SP4: variants seen among roughly 807,000 people sequenced by gnomAD.
SP4 encodes the protein transcription factor Sp4.
Under a neutral mutation model 72.8 loss-of-function variants are expected in SP4, and 19 were observed. That is an observed-to-expected ratio of 0.26 (90% CI 0.18 to 0.38). The LOEUF (loss-of-function observed/expected upper bound fraction) is 0.38, where lower values mean the gene tolerates loss of function less well. Among genes scored for constraint, SP4 ranks in the 10% least tolerant of loss-of-function variants. The pLI is 1.00. For missense variants in SP4, 1,008 were observed against 926.3 expected (o/e 1.09, Z -1.14); for synonymous variants, 395 against 333.1 (o/e 1.19, Z -2.02).
intron 5 of SP4, among the ~76,000 whole-genome samples, chr7:21,487,800 C>G (rs1784862286): frequency 6.9e-6 from 1 of 144,940 alleles, no homozygotes; most frequent in South Asian, 2.2e-4. Flanking sequence ...TGGTGGTGGT[C>G]ATGGTGGTGA....
intron 3 of SP4, among the ~76,000 whole-genome samples, chr7:21,466,852 G>A (rs1376144549): frequency 6.6e-6 from 1 of 151,428 alleles, no homozygotes; most frequent in African/African-American, 2.4e-5. Context: ...TGTCAAAACT[G>A]TCACAGCCTA....
Position 21,462,856 on chromosome 7 carries a change from G to A in SP4, c.1679-14223G>A, listed in dbSNP as rs190945238. On this transcript the variant is annotated intron_variant, in intron 3 of 5. Transcript: ENST00000222584. ...GATGGTATTGAATGTTGACTTGAGAGTATTGAGAAAAGTTCAGCAGGTTTT... is the reference window on the plus strand; with the variant it reads ...GATGGTATTGAATGTTGACTTGAGAATATTGAGAAAAGTTCAGCAGGTTTT... Among the ~76,000 whole-genome samples the A allele has an allele frequency of 3.5e-3, 533 of 152,298 alleles. 3 individuals are homozygous for A. The highest frequency in any genetic ancestry group is 5.8e-3 in the Non-Finnish European group (394 of 68,030).
At chr7:21,431,044 ATG>A (rs1782836659) in intron 3 of SP4, among the ~76,000 whole-genome samples, 1 of 152,026 alleles carries the variant, frequency 6.6e-6, no homozygotes, top group African/African-American at 2.4e-5. Flanking sequence ...TTTTATAATA[ATG>A]TGTTAAATTT....
At chr7:21,493,410 C>T (rs551872589) in intron 5 of SP4, among the ~76,000 whole-genome samples, 37 of 152,162 alleles carry the variant, frequency 2.4e-4, no homozygotes, top group South Asian at 8.3e-4. Flanking sequence ...AGAGGAAATT[C>T]GTAGCATTAA....
At chr7:21,477,008 GA>G (rs1784518881) in intron 3 of SP4, 70 bp from the exon 4 acceptor site, 2 of 1,103,034 alleles carry the variant, frequency 1.8e-6, no homozygotes, top group Admixed American at 5.2e-5. Flanking sequence ...TATGCACATA[GA>G]TTTTTTTTTT....
chr7:21,474,373 A>G (rs1385471243), intron 3 of SP4, among the ~76,000 whole-genome samples: 1 of 152,260 alleles, frequency 6.6e-6, no homozygotes, highest in Non-Finnish European at 1.5e-5. Context: ...AAATACCTGC[A>G]GCTCCATAGG....
At chr7:21,434,169 T>A (rs909529226) in intron 3 of SP4, among the ~76,000 whole-genome samples, 2 of 152,202 alleles carry the variant, frequency 1.3e-5, no homozygotes, top group African/African-American at 2.4e-5. Context: ...GGGAAAATTT[T>A]GCTCGAAATT....
chr7:21,461,298 G>A (rs943112115), intron 3 of SP4, among the ~76,000 whole-genome samples: 4 of 152,076 alleles, frequency 2.6e-5, no homozygotes, highest in African/African-American at 7.2e-5. Flanking sequence ...CGGGGGTTGG[G>A]GGAGACTCAG....
intron 3 of SP4, among the ~76,000 whole-genome samples, chr7:21,473,263 A>G (rs996370787): frequency 3.3e-5 from 5 of 152,178 alleles, no homozygotes; most frequent in African/African-American, 1.2e-4. Flanking sequence ...CACTGGATGT[A>G]ATGAGTAAAG....
chr7:21,510,105 C>T (rs1401483829), intron 5 of SP4, among the ~76,000 whole-genome samples: 3 of 152,136 alleles, frequency 2.0e-5, no homozygotes, highest in Admixed American at 2.0e-4. Flanking sequence ...CCCACTGGGT[C>T]CCTCCCACAA....
intron 5 of SP4, among the ~76,000 whole-genome samples, chr7:21,492,974 T>A (rs1785019012): frequency 6.6e-6 from 1 of 152,082 alleles, no homozygotes; most frequent in Non-Finnish European, 1.5e-5. Flanking sequence ...CCAAGACAGG[T>A]GGATCACCTG....
intron 3 of SP4, among the ~76,000 whole-genome samples, chr7:21,442,170 C>G (rs1783280427): frequency 6.6e-6 from 1 of 151,558 alleles, no homozygotes; most frequent in East Asian, 1.9e-4. Context: ...TCCCAAGTAG[C>G]TGAGATTACA....
At chr7:21,461,124 G>A (rs1783962365) in intron 3 of SP4, among the ~76,000 whole-genome samples, 1 of 152,244 alleles carries the variant, frequency 6.6e-6, no homozygotes, top group Non-Finnish European at 1.5e-5. Flanking sequence ...CAGGAGCCCT[G>A]CTGGCTTCAC....
At chr7:21,486,656 T>C (rs557784103) in intron 5 of SP4, among the ~76,000 whole-genome samples, 1 of 152,274 alleles carries the variant, frequency 6.6e-6, no homozygotes, top group South Asian at 2.1e-4. Context: ...TAAGAGGAAG[T>C]ATGTAATGTG....
At chr7:21,458,002 A>C (rs1021350513) in intron 3 of SP4, among the ~76,000 whole-genome samples, 4 of 152,200 alleles carry the variant, frequency 2.6e-5, no homozygotes, top group African/African-American at 9.7e-5. Context: ...ATTGTGATGA[A>C]ATTAAAAGGC....
chr7:21,472,997 G>A (rs1784395767), intron 3 of SP4, among the ~76,000 whole-genome samples: 1 of 152,322 alleles, frequency 6.6e-6, no homozygotes, highest in African/African-American at 2.4e-5. Context: ...GTAAGTCCTT[G>A]TGGTAGAGTG....
chr7:21,441,293 C>G (rs540560165), intron 3 of SP4, among the ~76,000 whole-genome samples: 5 of 152,200 alleles, frequency 3.3e-5, no homozygotes, highest in African/African-American at 7.2e-5. Flanking sequence ...TGATGGGGAC[C>G]AAAGATTGGA....
At chr7:21,482,609 A>G (rs1029869264) in intron 5 of SP4, 44 of 976,610 alleles carry the variant, frequency 4.5e-5, no homozygotes, top group South Asian at 4.7e-5. Flanking sequence ...TTTCAAATAC[A>G]GCAAAGCAGT....
rs867106474 is a variant in SP4 at position 21,481,800 on chromosome 7, T to C, written c.1908-124T>C. The C allele has an allele frequency of 5.2e-5, 36 of 696,242 alleles. No homozygotes were observed. The Middle Eastern group carries it at 8.6e-4, about 17-fold the overall frequency. The allele number at this position is 696,242 out of a possible 1,614,324, so 43.1% of individuals were successfully genotyped here. ...AATTTTCTGATTTGAACTACAGTTA[T>C]GGCATCATGATCAAACCTATTCAGA... On this transcript the variant is annotated intron_variant, in intron 4 of 5. Coordinates refer to ENST00000222584, the MANE Select transcript of SP4 (RefSeq NM_003112.5).
Sources: gnomAD v4.1 joint callset for allele counts (sites outside exome capture counted in the v4.1 genomes callset) on GRCh38, gnomAD v4.1.1 for gene constraint, MANE v1.5 for transcripts, NCBI Gene and HGNC (gene_info 2026-07-23, HGNC 2026-07-21) for gene names.